The following UBR4 variants were observed in gnomAD, a reference collection of about 807,000 sequenced individuals.
UBR4 encodes E3 ubiquitin-protein ligase UBR4.
Under a neutral mutation model 575.6 loss-of-function variants are expected in UBR4, and 124 were observed. The observed-to-expected ratio is 0.22, with a 90% confidence interval of 0.19 to 0.25. The LOEUF (loss-of-function observed/expected upper bound fraction) is 0.25, where lower values mean the gene tolerates loss of function less well. Among genes scored for constraint, UBR4 ranks in the 10% least tolerant of loss-of-function variants. The pLI, the probability that UBR4 is intolerant of heterozygous loss-of-function variation, is 1.00. For missense variants in UBR4, 4,818 were observed against 6,478.8 expected, an observed-to-expected ratio of 0.74 and a Z score of 8.80; for synonymous variants, 2,455 against 2,473.7, an observed-to-expected ratio of 0.99 and a Z score of 0.22.
In UBR4 at chr1:19,117,500, TC is replaced by T; in HGVS notation, c.10630-87del. The T allele has an allele frequency of 7.3e-7, 1 of 1,378,416 alleles. No homozygotes were observed. Among genetic ancestry groups the T allele is most frequent in the Non-Finnish European group, 1.0e-6 (1 of 998,960 alleles). 85.4% of individuals were successfully genotyped at this position (1,378,416 alleles called of 1,614,324 possible). A position where few individuals can be genotyped will look rare whatever the true frequency, so the allele number is the denominator to read the frequency against. On this transcript the variant is annotated intron_variant, in intron 72 of 105. Transcript: ENST00000375254. This position sits in a 1 kb window ranked among gnomAD's most constrained non-coding sequence, Gnocchi z 4.0. The stretch of plus-strand genomic sequence containing the variant: ...ATTCATCAGTGTAACCCACTCTTCA[TC>T]CACAAGATGAAGTTTCTATTTAATT...
chr1:19,176,010 T>C (rs897276412), intron 20 of UBR4, among the ~76,000 whole-genome samples: 1 of 152,036 alleles, frequency 6.6e-6, no homozygotes, highest in African/African-American at 2.4e-5. Flanking sequence ...TGATCTCAAA[T>C]TCCTGGGTTC....
intron 55 of UBR4, among the ~76,000 whole-genome samples, chr1:19,142,257 A>T (rs1158451632): frequency 3.9e-5 from 6 of 152,200 alleles, no homozygotes; most frequent in African/African-American, 1.4e-4. Context: ...GAGAAGAACC[A>T]GAATTGAAGT....
At chr1:19,148,466 A>C in intron 50 of UBR4, 97 bp downstream of exon 50, 1 of 1,436,040 alleles carries the variant, frequency 7.0e-7, no homozygotes, top group East Asian at 2.3e-5. Flanking sequence ...ATGCTACTAT[A>C]AATGTTCTTT....
intron 60 of UBR4, among the ~76,000 whole-genome samples, chr1:19,135,128 A>G (rs2083054164): frequency 6.6e-6 from 1 of 151,948 alleles, no homozygotes; most frequent in African/African-American, 2.4e-5. Context: ...ATTTTATTCT[A>G]TGTGCGTTTC....
intron 104 of UBR4, 61 bp downstream of exon 104, chr1:19,077,915 C>T (rs2076116766): frequency 6.2e-7 from 1 of 1,612,098 alleles, no homozygotes; most frequent in Non-Finnish European, 8.5e-7. Context: ...GAGTCAGGGA[C>T]AGGAGTGCAG....
In UBR4 at chr1:19,152,334, G is replaced by T; in HGVS notation, c.6975C>A (p.Gly2325=). 6.2e-7 allele frequency: 1 copy of T among 1,613,982 alleles called. No individual in the cohort carries two copies. The highest frequency in any genetic ancestry group is 8.5e-7 in the Non-Finnish European group (1 of 1,179,856). ...QQIKHRLNST[G]MYVANTKPGG... is the part of the protein sequence containing the mutation. ...TTACCTTGGTGTTGGCCACATACAT[G>T]CCAGTGGAATTCAGCCGGTGTTTTA... Residue 2325 remains glycine, a synonymous_variant, in exon 47 of 106, where the codon GGC becomes GGA. Coordinates refer to ENST00000375254, the MANE Select transcript of UBR4 (RefSeq NM_020765.3). This position sits in a 1 kb window ranked among gnomAD's most constrained non-coding sequence, Gnocchi z 4.4.
intron 92 of UBR4, 153 bp from the exon 93 acceptor site, chr1:19,095,805 G>C (rs1161755544): frequency 4.8e-6 from 3 of 622,214 alleles, no homozygotes; most frequent in Non-Finnish European, 8.5e-6. Flanking sequence ...CTCTTCAGGG[G>C]ACATGGTGAG....
Position 19,128,269 on chromosome 1 carries a change from T to C in UBR4, c.9053A>G (p.Lys3018Arg), listed in dbSNP as rs1395676103. 6.2e-7 allele frequency: 1 copy of C among 1,614,074 alleles called. No individual in the cohort carries two copies. Residue 3018 changes from lysine to arginine, a missense_variant, in exon 62 of 106, where the codon AAG becomes AGG. By Grantham distance (26) the Lys-to-Arg change is conservative. This residue lies in a region of UBR4 where 550 missense variants were observed against 791.5 expected (regional missense o/e 0.69). Transcript: ENST00000375254. ...TDLDGEDEKDKGALDNLLSQL... is the reference protein window; with the variant it reads ...TDLDGEDEKDRGALDNLLSQL... ...GGAGAGCAGGTTGTCTAGGGCCCCCTTGTCTTTCTCATCTTCTCCATCCAG... is the reference window on the plus strand; with the variant it reads ...GGAGAGCAGGTTGTCTAGGGCCCCCCTGTCTTTCTCATCTTCTCCATCCAG...
intron 49 of UBR4, chr1:19,149,876 C>T: frequency 8.8e-7 from 1 of 1,131,100 alleles, no homozygotes; most frequent in South Asian, 1.4e-5. Flanking sequence ...CTAAGCAAAC[C>T]ATGTATGGAT....
intron 5 of UBR4, 65 bp from the exon 6 acceptor site, chr1:19,198,114 G>T: frequency 6.7e-7 from 1 of 1,490,328 alleles, no homozygotes; most frequent in South Asian, 1.1e-5. Flanking sequence ...TGTCAAAAGT[G>T]AGCAGTAGCT....
rs1234584138 is a variant in UBR4 at position 19,148,064 on chromosome 1, T to C, written c.7558A>G (p.Ser2520Gly). Residue 2520 changes from serine to glycine, a missense_variant, in exon 51 of 106, where the codon AGT becomes GGT. Around this residue, in one of 29 missense-constraint regions of UBR4, gnomAD observed 340 missense variants for 375.4 expected, o/e 0.91. Coordinates refer to ENST00000375254, the MANE Select transcript of UBR4 (RefSeq NM_020765.3). The stretch of plus-strand genomic sequence containing the variant: ...AGGCTCTTGGACTGCTGCTGGACAC[T>C]GGCAGGTGCTGGCAGGGACAACAGC... ...TLLLSLPAPASVQQQSKSLLA... is the reference protein window; with the variant it reads ...TLLLSLPAPAGVQQQSKSLLA... 1 of 1,611,856 alleles carries C rather than the reference T, an allele frequency of 6.2e-7. No individual in the cohort carries two copies. The highest frequency in any genetic ancestry group is 1.3e-5 in the African/African-American group (1 of 75,028).
rs2079777878 is a variant in UBR4 at position 19,110,866 on chromosome 1, T to A, written c.11802-34A>T. 2 of 1,600,080 alleles carry A rather than the reference T, an allele frequency of 1.2e-6. No homozygotes were observed. Among genetic ancestry groups the A allele is most frequent in the African/African-American group, 2.7e-5 (2 of 74,534 alleles). ...GCAAATAGAAATGGAGTCCTATAAT[T>A]CACAATCAGGTGTGACACTCCTTTC... On this transcript the variant is annotated intron_variant, in intron 78 of 105. Coordinates refer to ENST00000375254, the MANE Select transcript of UBR4 (RefSeq NM_020765.3). This position sits in a 1 kb window ranked among gnomAD's most constrained non-coding sequence, Gnocchi z 4.5.
In UBR4 at chr1:19,153,509, GGA is replaced by G. The variant is rs1434573398; in HGVS notation, c.6631-9_6631-8del. 1 of 1,613,554 alleles carries G rather than the reference GGA, an allele frequency of 6.2e-7. No homozygotes were observed. The highest frequency in any genetic ancestry group is 1.3e-5 in the African/African-American group (1 of 74,882). On this transcript the variant is annotated splice_polypyrimidine_tract_variant and splice_region_variant and intron_variant, in intron 45 of 105. Coordinates refer to ENST00000375254, the MANE Select transcript of UBR4 (RefSeq NM_020765.3). This position sits in a 1 kb window ranked among gnomAD's most constrained non-coding sequence, Gnocchi z 4.1. ...TAGCAACCATGTCTTGGATCTAGGA[GGA>G]GAGGACAAAGGAGGGTCTTCGTTCC...
In UBR4 at chr1:19,137,695, T is replaced by C. The variant is rs546816490; in HGVS notation, c.8906+312A>G. On this transcript the variant is annotated intron_variant, in intron 60 of 105. Transcript: ENST00000375254. ...ATGCCATATATTGAGTGTACAGATA[T>C]TGATGAAACTGGAAAGATTTGAGTA... Among the ~76,000 whole-genome samples the C allele has an allele frequency of 3.9e-5, 6 of 152,308 alleles. No homozygotes were observed. In the South Asian group the frequency reaches 8.3e-4, roughly 21 times the overall value.
intron 96 of UBR4, 76 bp from the exon 97 acceptor site, chr1:19,092,994 T>C: frequency 7.5e-7 from 1 of 1,335,790 alleles, no homozygotes; most frequent in Non-Finnish European, 1.1e-6. Context: ...GACTCTGGCT[T>C]GTTTAAACCC....
At position 19,110,486 on chromosome 1, in the gene UBR4, C is replaced by T; in HGVS notation, c.11893-22G>A. ...TTGCCTAGAAGGCAATGGGAAGAGA[C>T]ATGAGTCAAGAGGGTCAGCTCCGGT... On this transcript the variant is annotated intron_variant, in intron 79 of 105. Transcript: ENST00000375254. The surrounding 1 kb of genome is among the most constrained non-coding windows in gnomAD (Gnocchi z 4.5). 3.7e-6 allele frequency: 6 copies of T among 1,612,672 alleles called. No individual in the cohort carries two copies. Among genetic ancestry groups the T allele is most frequent in the Non-Finnish European group, 5.1e-6 (6 of 1,178,998 alleles).
At chr1:19,171,952 A>C (rs948145960) in intron 25 of UBR4, among the ~76,000 whole-genome samples, 7 of 152,182 alleles carry the variant, frequency 4.6e-5, no homozygotes, top group Admixed American at 3.3e-4. Context: ...AAAGGGAACT[A>C]ATTCTCAGCT....
intron 87 of UBR4, among the ~76,000 whole-genome samples, chr1:19,102,631 G>C (rs1199518157): frequency 1.3e-5 from 2 of 152,162 alleles, no homozygotes; most frequent in African/African-American, 4.8e-5. Context: ...CATAAACTAA[G>C]AGAAATCGGG....
intron 1 of UBR4, among the ~76,000 whole-genome samples, chr1:19,209,673 A>G (rs1262662348): frequency 6.6e-6 from 1 of 152,228 alleles, no homozygotes; most frequent in African/African-American, 2.4e-5. Context: ...GGAGACCGTT[A>G]TTAAATTATA....
Sources: allele counts gnomAD v4.1 joint callset (sites outside exome capture counted in the v4.1 genomes callset), GRCh38; gene constraint gnomAD v4.1.1; regional missense constraint gnomAD v4.1.1; non-coding constraint Gnocchi (gnomAD v3.1); transcripts MANE v1.5; gene names NCBI Gene and HGNC (gene_info 2026-07-23, HGNC 2026-07-21).